TUBGCP2: variants seen among roughly 807,000 people sequenced by gnomAD.
The protein encoded by TUBGCP2 is gamma-tubulin complex component 2.
TUBGCP2 carries 55 observed loss-of-function variants against 92.2 expected under a neutral mutation model. The observed-to-expected ratio is 0.60, with a 90% CI of 0.48 to 0.75. The LOEUF (loss-of-function observed/expected upper bound fraction) is 0.75, where lower values mean the gene tolerates loss of function less well. TUBGCP2 is among the 30% of genes least tolerant of loss of function. The pLI, the probability that TUBGCP2 is intolerant of heterozygous loss-of-function variation, is 0.00. For missense variants in TUBGCP2, 1,093 were observed against 1,188.9 expected, an observed-to-expected ratio of 0.92 and a Z score of 1.19; for synonymous variants, 533 against 505.2, an observed-to-expected ratio of 1.06 and a Z score of -0.74.
chr10:133,301,414 C>T (rs767519850), intron 2 of TUBGCP2, among the ~76,000 whole-genome samples: 4 of 152,092 alleles, frequency 2.6e-5, no homozygotes, highest in Non-Finnish European at 4.4e-5. Context: ...TGTGAGCGAC[C>T]GTGCCCAGCA....
intron 16 of TUBGCP2, 31 bp downstream of exon 16, chr10:133,282,190 GTC>G (rs752917978): frequency 1.6e-5 from 26 of 1,610,560 alleles, no homozygotes; most frequent in Non-Finnish European, 1.9e-5. Context: ...GGGAGGAAGC[GTC>G]TCTCTCTGGC....
chr10:133,309,713 CAG>C (rs2136151294), upstream of TUBGCP2: 1 of 1,580,946 alleles, frequency 6.3e-7, no homozygotes, highest in East Asian at 2.2e-5. Flanking sequence ...GGAAACTGTG[CAG>C]AAAGTCCAGC....
Position 133,289,702 on chromosome 10 carries a change from C to T in TUBGCP2, c.1360+122G>A. ...CTGACCTCAGCCCCGCATTCACGGA[C>T]ACCAGGGCTCAGGGCAACCACAGGG... On this transcript the variant is annotated intron_variant, in intron 9 of 17. Transcript: ENST00000252936. The T allele has an allele frequency of 2.6e-6, 3 of 1,165,970 alleles. No individual in the cohort carries two copies. The South Asian group carries it at 4.8e-5, about 19-fold the overall frequency. 72.2% of individuals were successfully genotyped at this position (1,165,970 alleles called of 1,614,324 possible).
rs199826774 is a variant in TUBGCP2, at chr10:133,282,348, G to T, written c.2290-6C>A. Reference sequence around the variant, plus strand: ...TTCATGCTCTGTGTAAATTTCTAGGGGGGGAGAGTCGCAAGGAAATGCTTC... The same window carrying T: ...TTCATGCTCTGTGTAAATTTCTAGGTGGGGAGAGTCGCAAGGAAATGCTTC... On this transcript the variant is annotated splice_polypyrimidine_tract_variant and splice_region_variant and intron_variant, in intron 15 of 17. Transcript: ENST00000252936. 1.3e-5 allele frequency: 20 copies of T among 1,583,070 alleles called. No individual in the cohort carries two copies. Among genetic ancestry groups the T allele is most frequent in the African/African-American group, 6.8e-5 (5 of 73,534 alleles).
rs1401023750 is a variant in TUBGCP2, at chr10:133,294,623, TTTTTTA to T, written c.617-860_617-855del. 7.2e-5 allele frequency among the ~76,000 whole-genome samples: 11 copies of T among 152,108 alleles called. No individual in the cohort carries two copies. In the East Asian group the frequency reaches 1.7e-3, roughly 24 times the overall value. On this transcript the variant is annotated intron_variant, in intron 5 of 17. Transcript: ENST00000252936. Reference sequence around the variant, plus strand: ...ACTGTCCTTGTTTTTTTTTTTTCCTTTTTTTATTTTTGAGACAAATCTCACTCTGTC... The same window carrying T: ...ACTGTCCTTGTTTTTTTTTTTTCCTTTTTTTGAGACAAATCTCACTCTGTC...
Position 133,302,919 on chromosome 10 carries a change from T to C in TUBGCP2, c.23A>G (p.His8Arg), listed in dbSNP as rs1847709544. MSEFRIH[H>R]DVNELLSLLR... ...CAGGCTAAGCAGTTCATTGACGTCA[T>C]GGTGAATCCGAAATTCACTCATAGT... The change falls in exon 2 of 18, where the codon CAT becomes CGT. Residue 8 changes from histidine to arginine, a missense_variant. Physicochemically the swap from His to Arg is conservative, Grantham distance 29. Around this residue, in one of 3 missense-constraint regions of TUBGCP2, gnomAD observed 490 missense variants for 488.5 expected, o/e 1.00. Coordinates refer to ENST00000252936, the MANE Select transcript of TUBGCP2 (RefSeq NM_006659.4). The C allele has an allele frequency of 5.0e-6, 8 of 1,614,068 alleles. No homozygotes were observed. The highest frequency in any genetic ancestry group is 6.8e-6 in the Non-Finnish European group (8 of 1,179,998).
At chr10:133,283,705 C>T (rs963244242) in intron 14 of TUBGCP2, among the ~76,000 whole-genome samples, 177 bp downstream of exon 14, 41 of 26,544 alleles carry the variant, frequency 1.5e-3, no homozygotes, top group Non-Finnish European at 4.4e-3. Context: ...CTGCCTCTCC[C>T]GCACGCCCTG....
intron 1 of TUBGCP2, among the ~76,000 whole-genome samples, chr10:133,304,168 A>AAAAAATAC (rs1284554555): frequency 2.0e-5 from 3 of 152,302 alleles, no homozygotes; most frequent in South Asian, 4.1e-4. Context: ...CTGTCTCTAC[A>AAAAAATAC]AAAAATACAA....
chr10:133,309,538 G>A (rs1564777994), upstream of TUBGCP2: 6 of 1,513,742 alleles, frequency 4.0e-6, no homozygotes, highest in South Asian at 5.9e-5. Flanking sequence ...CCCTGGGGCT[G>A]TGCTGCCGCT....
chr10:133,297,199 C>A, intron 5 of TUBGCP2: 1 of 298,598 alleles, frequency 3.3e-6, no homozygotes, highest in South Asian at 2.6e-5. Context: ...GTCAGGAGTT[C>A]GAGACCAGTC....
chr10:133,298,616 C>T (rs1847547430), intron 4 of TUBGCP2, among the ~76,000 whole-genome samples: 1 of 152,266 alleles, frequency 6.6e-6, no homozygotes, highest in Non-Finnish European at 1.5e-5. Context: ...CCTCCTGCGC[C>T]AGTGGCCGCC....
In TUBGCP2 at chr10:133,299,727, G is replaced by A. The variant is rs543907046; in HGVS notation, c.280-124C>T. On this transcript the variant is annotated intron_variant, in intron 3 of 17. Transcript: ENST00000252936. ...GACAGGCACCCATTAATAGCAAAGC[G>A]ACGCGTGCGACAGGCAGGAACTGAG... is the stretch of plus-strand genomic sequence containing the variant. 9.1e-5 allele frequency: 83 copies of A among 910,762 alleles called. No homozygotes were observed. In the East Asian group the frequency reaches 1.8e-3, roughly 20 times the overall value. The allele number at this position is 910,762 out of a possible 1,614,324, so 56.4% of individuals were successfully genotyped here. A position where few individuals can be genotyped will look rare whatever the true frequency, so the allele number is the denominator to read the frequency against.
At position 133,302,525 on chromosome 10, in the gene TUBGCP2, C is replaced by T. The variant is rs568177227; in HGVS notation, c.150+267G>A. 57 of 440,766 alleles carry T rather than the reference C, an allele frequency of 1.3e-4. No homozygotes were observed. The South Asian group carries it at 1.3e-3, about 10-fold the overall frequency. 27.3% of individuals were successfully genotyped at this position (440,766 alleles called of 1,614,324 possible). On this transcript the variant is annotated intron_variant, in intron 2 of 17. Transcript: ENST00000252936. ...GGGCGGTGCTCATCATGCACCCTGA[C>T]CCAGGGACGACGCTCATCCTGCACA...
At chr10:133,289,593 C>G (rs112672330) in intron 9 of TUBGCP2, among the ~76,000 whole-genome samples, 1 of 152,176 alleles carries the variant, frequency 6.6e-6, no homozygotes, top group Non-Finnish European at 1.5e-5. Context: ...GACAGAGTCC[C>G]GGAGATGGAA....
upstream of TUBGCP2, chr10:133,311,823 G>A (rs1160692748): frequency 6.2e-6 from 10 of 1,613,234 alleles, no homozygotes; most frequent in Non-Finnish European, 7.6e-6. Flanking sequence ...GCAGGTGAGA[G>A]GCGGATCTAC....
In TUBGCP2 at chr10:133,283,855, GTTA is replaced by G. The variant is rs766915175; in HGVS notation, c.2145+24_2145+26del. ...TGTGAAAGGAAAGTGGCTTTCAAACGTTATTATCTGTGGAGCTAAAACTCACGG... is the reference window on the plus strand; with the variant it reads ...TGTGAAAGGAAAGTGGCTTTCAAACGTTATCTGTGGAGCTAAAACTCACGG... On this transcript the variant is annotated intron_variant, in intron 14 of 17. Coordinates refer to ENST00000252936, the MANE Select transcript of TUBGCP2 (RefSeq NM_006659.4). 7 of 1,611,850 alleles carry G rather than the reference GTTA, an allele frequency of 4.3e-6. No individual in the cohort carries two copies. The East Asian group carries it at 1.1e-4, about 26-fold the overall frequency.
At position 133,285,259 on chromosome 10, in the gene TUBGCP2, G is replaced by A. The variant is rs548838297; in HGVS notation, c.1896-46C>T. The A allele has an allele frequency of 2.4e-5, 38 of 1,607,240 alleles. No homozygotes were observed. Among genetic ancestry groups the A allele is most frequent in the Middle Eastern group, 1.7e-4 (1 of 6,060 alleles). ...CCTCAGGTGGGCCTCCGTGACCGGC[G>A]GCGTCGTGGACACGGCGTCTGTACT... is the stretch of plus-strand genomic sequence containing the variant. On this transcript the variant is annotated intron_variant, in intron 12 of 17. Coordinates refer to ENST00000252936, the MANE Select transcript of TUBGCP2 (RefSeq NM_006659.4). This position sits in a 1 kb window ranked among gnomAD's most constrained non-coding sequence, Gnocchi z 6.8.
chr10:133,307,216 A>G (rs909437595), intron 1 of TUBGCP2, among the ~76,000 whole-genome samples: 2 of 152,096 alleles, frequency 1.3e-5, no homozygotes. Context: ...ACTATTAATC[A>G]CACAAACTGA....
At chr10:133,309,039 G>A (rs1194329409), upstream of TUBGCP2, 3 of 1,270,856 alleles carry the variant, frequency 2.4e-6, no homozygotes, top group East Asian at 3.1e-5. Context: ...CTGGGGCCGC[G>A]CCCTTTCGCT....
Sources: gnomAD v4.1 joint callset for allele counts (sites outside exome capture counted in the v4.1 genomes callset) on GRCh38, gnomAD v4.1.1 for gene constraint, gnomAD v4.1.1 regional missense constraint, Gnocchi (gnomAD v3.1) non-coding constraint, MANE v1.5 for transcripts, NCBI Gene and HGNC (gene_info 2026-07-23, HGNC 2026-07-21) for gene names.